RERE: variants seen among roughly 807,000 people sequenced by gnomAD.
The protein encoded by RERE is arginine-glutamic acid dipeptide repeats protein.
Under a neutral mutation model 146.1 loss-of-function variants are expected in RERE, and 40 were observed. The ratio of observed to expected loss-of-function variants is 0.27; its 90% CI spans 0.21 to 0.36. The LOEUF (loss-of-function observed/expected upper bound fraction) is 0.36, where lower values mean the gene tolerates loss of function less well. RERE is among the 10% of genes least tolerant of loss of function. The pLI, the probability that RERE is intolerant of heterozygous loss-of-function variation, is 1.00. For synonymous variants in RERE, 1,003 were observed against 866.0 expected, an observed-to-expected ratio of 1.16 and a Z score of -2.78; for missense variants, 1,933 against 2,138.7, an observed-to-expected ratio of 0.90 and a Z score of 1.90.
At chr1:8,512,424 C>T (rs1306169074) in intron 7 of RERE, among the ~76,000 whole-genome samples, 1 of 151,496 alleles carries the variant, frequency 6.6e-6, no homozygotes, top group Non-Finnish European at 1.5e-5. Context: ...GGTCTCTGTA[C>T]CCTTTTACAC....
chr1:8,707,172 G>A (rs918319398), intron 1 of RERE, among the ~76,000 whole-genome samples: 9 of 152,198 alleles, frequency 5.9e-5, no homozygotes, highest in Admixed American at 1.3e-4. Flanking sequence ...ACCATTAACA[G>A]ATAATGAGAG....
At chr1:8,393,129 G>T (rs188881372) in intron 12 of RERE, among the ~76,000 whole-genome samples, 132 of 152,262 alleles carry the variant, frequency 8.7e-4, no homozygotes, top group Non-Finnish European at 1.2e-3. Flanking sequence ...AGTTCCCAAA[G>T]ACTCAACCTA....
chr1:8,653,379 T>C (rs1439503898), intron 2 of RERE, among the ~76,000 whole-genome samples: 2 of 152,326 alleles, frequency 1.3e-5, no homozygotes, highest in East Asian at 3.9e-4. Flanking sequence ...AAGTAAATCT[T>C]TCCTTATACT....
intron 1 of RERE, among the ~76,000 whole-genome samples, chr1:8,808,365 G>A (rs1419061929): frequency 1.3e-5 from 2 of 152,030 alleles, no homozygotes; most frequent in South Asian, 2.1e-4. Context: ...TTCACCCATT[G>A]TCTCCTGCAG....
intron 7 of RERE, among the ~76,000 whole-genome samples, chr1:8,537,833 A>T (rs1359967874): frequency 1.3e-5 from 2 of 152,230 alleles, no homozygotes; most frequent in Non-Finnish European, 2.9e-5. Flanking sequence ...GACAAGATAC[A>T]ACATTCAGAA....
chr1:8,364,904 G>T lies in RERE; in HGVS notation c.1448-66C>A. On this transcript the variant is annotated intron_variant, in intron 13 of 22. Transcript: ENST00000400908. This position sits in a 1 kb window ranked among gnomAD's most constrained non-coding sequence, Gnocchi z 5.1. ...ATCATGCTCAGCCAAGGCTGGGCCG[G>T]TGGGGTGGGGGGGAGGGGGGAACAC... 1 of 784,858 alleles carries T rather than the reference G, an allele frequency of 1.3e-6. No individual in the cohort carries two copies. The highest frequency in any genetic ancestry group is 1.6e-5 in the South Asian group (1 of 61,602). The allele number at this position is 784,858 out of a possible 1,614,324, so 48.6% of individuals were successfully genotyped here.
At chr1:8,395,464 G>A (rs1230157782) in intron 12 of RERE, among the ~76,000 whole-genome samples, 1 of 144,826 alleles carries the variant, frequency 6.9e-6, no homozygotes, top group Non-Finnish European at 1.5e-5. Flanking sequence ...AACAGAGTGA[G>A]GCTCTGTCTC....
intron 1 of RERE, among the ~76,000 whole-genome samples, chr1:8,795,346 A>G (rs1433738716): frequency 1.4e-5 from 2 of 146,904 alleles, no homozygotes; most frequent in Non-Finnish European, 3.0e-5. Context: ...TTTTCTTTTT[A>G]GGAGACAAAG....
intron 12 of RERE, among the ~76,000 whole-genome samples, chr1:8,416,110 A>T (rs187656529): frequency 7.2e-4 from 110 of 152,344 alleles, no homozygotes; most frequent in Non-Finnish European, 2.1e-4. Flanking sequence ...TTAACAAGAG[A>T]AGGCCATCCT....
At chr1:8,566,584 A>G (rs913185483) in intron 4 of RERE, among the ~76,000 whole-genome samples, 2 of 152,020 alleles carry the variant, frequency 1.3e-5, no homozygotes, top group African/African-American at 4.8e-5. Flanking sequence ...GCACCACTGC[A>G]CTCCAGCCTG....
At chr1:8,547,975 G>A (rs1183543369) in intron 6 of RERE, among the ~76,000 whole-genome samples, 2 of 152,178 alleles carry the variant, frequency 1.3e-5, no homozygotes, top group African/African-American at 2.4e-5. Context: ...GCACAAGAGA[G>A]CAGTTATATC....
In RERE at chr1:8,646,503, G is replaced by T. The variant is rs188344055; in HGVS notation, c.325+9470C>A. ...GCCGTGTTCATGTCACTGCACTGTT[G>T]TCTGGACAACAGAGTGAGACCCTTC... On this transcript the variant is annotated intron_variant, in intron 2 of 22. Coordinates refer to ENST00000400908, the MANE Select transcript of RERE (RefSeq NM_001042681.2). Among the ~76,000 whole-genome samples the T allele has an allele frequency of 1.1e-4, 16 of 151,010 alleles. No individual in the cohort carries two copies. In the East Asian group the frequency reaches 2.9e-3, roughly 28 times the overall value.
chr1:8,607,362 C>CA (rs1358829755), intron 4 of RERE, among the ~76,000 whole-genome samples: 4,173 of 83,890 alleles, frequency 0.05, 154 homozygotes, highest in African/African-American at 0.13. Context: ...ACCCTGTCTC[C>CA]AAAAAAAAAA....
chr1:8,748,687 G>A (rs530676521), intron 1 of RERE, among the ~76,000 whole-genome samples: 1 of 152,124 alleles, frequency 6.6e-6, no homozygotes, highest in South Asian at 2.1e-4. Context: ...CATTAATATC[G>A]CCAAGTACGA....
At chr1:8,691,295 G>T (rs1234566636) in intron 1 of RERE, among the ~76,000 whole-genome samples, 1 of 151,878 alleles carries the variant, frequency 6.6e-6, no homozygotes, top group African/African-American at 2.4e-5. Context: ...AGAAGGTCTG[G>T]TTTTTTTTGG....
At chr1:8,634,640 T>C (rs1647073965) in intron 2 of RERE, among the ~76,000 whole-genome samples, 1 of 152,216 alleles carries the variant, frequency 6.6e-6, no homozygotes, top group South Asian at 2.1e-4. Context: ...CTACTCCTTC[T>C]CTCCCTTAAA....
At chr1:8,420,300 G>A (rs965963462) in intron 12 of RERE, among the ~76,000 whole-genome samples, 2 of 151,590 alleles carry the variant, frequency 1.3e-5, no homozygotes, top group African/African-American at 2.4e-5. Context: ...TTAAAAAAGA[G>A]AGAGAGAGAA....
intron 1 of RERE, among the ~76,000 whole-genome samples, chr1:8,755,979 T>A (rs1056704141): frequency 3.3e-5 from 5 of 151,918 alleles, no homozygotes; most frequent in African/African-American, 1.2e-4. Flanking sequence ...AGGGCTATTA[T>A]AAAGGAAAAA....
chr1:8,797,278 T>C (rs1010848541), intron 1 of RERE, among the ~76,000 whole-genome samples: 3 of 151,976 alleles, frequency 2.0e-5, no homozygotes, highest in Non-Finnish European at 4.4e-5. Flanking sequence ...AAAATAACTG[T>C]GTGACAGAAG....
Sources: allele counts gnomAD v4.1 joint callset (sites outside exome capture counted in the v4.1 genomes callset), GRCh38; gene constraint gnomAD v4.1.1; non-coding constraint Gnocchi (gnomAD v3.1); transcripts MANE v1.5; gene names NCBI Gene and HGNC (gene_info 2026-07-23, HGNC 2026-07-21).